Variants in RFX7 observed in about 807,000 individuals in gnomAD.
RFX7 encodes regulatory factor X7, also known as DNA-binding protein RFX7.
Under a neutral mutation model 111.8 loss-of-function variants are expected in RFX7, and 26 were observed. The observed-to-expected ratio is 0.23, with a 90% CI of 0.17 to 0.32. The LOEUF is 0.32. Ranked by LOEUF, RFX7 falls within the 10% of genes least tolerant of loss-of-function variation. RFX7 has a pLI of 1.00. For missense variants in RFX7, 1,573 were observed against 1,772.9 expected (o/e 0.89, Z 2.02); for synonymous variants, 624 against 624.4 (o/e 1.00, Z 0.01).
intron 2 of RFX7, among the ~76,000 whole-genome samples, chr15:56,187,234 G>C (rs2043050474): frequency 6.7e-6 from 1 of 148,784 alleles, no homozygotes; most frequent in Non-Finnish European, 1.5e-5. Flanking sequence ...TTTTTTAGAT[G>C]GAGTCTTGCT....
intron 2 of RFX7, among the ~76,000 whole-genome samples, chr15:56,238,872 T>C (rs529998758): frequency 2.0e-5 from 3 of 152,304 alleles, no homozygotes; most frequent in African/African-American, 7.2e-5. Flanking sequence ...TCCTGCTCTG[T>C]CGCCCAGCTG....
intron 5 of RFX7, among the ~76,000 whole-genome samples, chr15:56,132,294 A>C (rs994887116): frequency 8.5e-5 from 13 of 152,064 alleles, no homozygotes; most frequent in African/African-American, 2.9e-4. Context: ...AAGAGGTATA[A>C]GGAGGAAAGA....
chr15:56,157,559 G>C (rs1213494188), intron 3 of RFX7, among the ~76,000 whole-genome samples: 1 of 152,122 alleles, frequency 6.6e-6, no homozygotes, highest in Non-Finnish European at 1.5e-5. Context: ...CTCTGAGTTG[G>C]TATTCAATTT....
chr15:56,104,802 G>GA (rs1162184476), intron 5 of RFX7, among the ~76,000 whole-genome samples: 1 of 8,488 alleles, frequency 1.2e-4, no homozygotes, highest in African/African-American at 1.3e-4. Context: ...TACCCCTGGG[G>GA]TTAAAAGATG....
chr15:56,214,192 T>C (rs1195682814), intron 2 of RFX7, among the ~76,000 whole-genome samples: 2 of 152,232 alleles, frequency 1.3e-5, no homozygotes, highest in African/African-American at 4.8e-5. Context: ...GTTCCTAACT[T>C]TGTCCTTCTT....
chr15:56,097,429 A>G (rs1464615485), intron 9 of RFX7, among the ~76,000 whole-genome samples: 1 of 152,086 alleles, frequency 6.6e-6, no homozygotes, highest in Non-Finnish European at 1.5e-5. Flanking sequence ...TAAAAAAGAA[A>G]AGCGTTTAAA....
chr15:56,244,109 G>T (rs1184721298), upstream of RFX7: 1 of 151,982 alleles, frequency 6.6e-6, no homozygotes, highest in African/African-American at 2.4e-5. Flanking sequence ...GAGAACTTGC[G>T]TGAGGAGGAG....
At chr15:56,234,683 T>A (rs2043603447) in intron 2 of RFX7, among the ~76,000 whole-genome samples, 1 of 152,200 alleles carries the variant, frequency 6.6e-6, no homozygotes, top group South Asian at 2.1e-4. Flanking sequence ...ATTAAATTTT[T>A]AAATTTCATG....
intron 3 of RFX7, among the ~76,000 whole-genome samples, chr15:56,154,345 C>G (rs1256949970): frequency 2.6e-5 from 4 of 152,162 alleles, no homozygotes; most frequent in African/African-American, 2.4e-5. Flanking sequence ...GCAGGAAAAA[C>G]AAAGCTGGAG....
intron 5 of RFX7, among the ~76,000 whole-genome samples, chr15:56,108,462 T>C (rs192649772): frequency 7.8e-4 from 118 of 151,992 alleles, no homozygotes; most frequent in Middle Eastern, 3.4e-3. Context: ...CATGATTCTC[T>C]CAATAAATGC....
chr15:56,183,830 T>G (rs2043003353), intron 2 of RFX7, among the ~76,000 whole-genome samples: 1 of 70,754 alleles, frequency 1.4e-5, no homozygotes, highest in Admixed American at 1.6e-4. Flanking sequence ...ATAATTTGCA[T>G]TTTTTTAATC....
At chr15:56,134,147 A>G (rs980685381) in intron 5 of RFX7, among the ~76,000 whole-genome samples, 1 of 152,124 alleles carries the variant, frequency 6.6e-6, no homozygotes, top group Non-Finnish European at 1.5e-5. Context: ...CACTCATGAA[A>G]TCTGAGTTCT....
At chr15:56,212,739 G>A (rs1438858778) in intron 2 of RFX7, among the ~76,000 whole-genome samples, 9 of 151,938 alleles carry the variant, frequency 5.9e-5, no homozygotes, top group Admixed American at 5.2e-4. Flanking sequence ...CATTTCATAC[G>A]TATATCCAAC....
At chr15:56,227,950 C>T (rs1472806857) in intron 2 of RFX7, among the ~76,000 whole-genome samples, 1 of 152,146 alleles carries the variant, frequency 6.6e-6, no homozygotes, top group East Asian at 1.9e-4. Flanking sequence ...TTCTCTTTCA[C>T]TTTTGAAGAA....
chr15:56,201,865 C>T (rs1359499208), intron 2 of RFX7, among the ~76,000 whole-genome samples: 1 of 152,028 alleles, frequency 6.6e-6, no homozygotes, highest in Admixed American at 6.5e-5. Context: ...CCCGTCTCTA[C>T]TAAAAATACA....
chr15:56,101,702 G>A (rs1182709521), intron 7 of RFX7, 136 bp from the exon 8 acceptor site: 15 of 785,662 alleles, frequency 1.9e-5, no homozygotes, highest in African/African-American at 1.0e-4. Flanking sequence ...TGACCCACTG[G>A]CAGACATATA....
At chr15:56,205,170 G>C (rs2043237333) in intron 2 of RFX7, among the ~76,000 whole-genome samples, 1 of 152,166 alleles carries the variant, frequency 6.6e-6, no homozygotes. Context: ...CATCACCAAA[G>C]GAGAGAGAAC....
intron 5 of RFX7, among the ~76,000 whole-genome samples, chr15:56,138,365 T>A (rs1447319565): frequency 2.6e-5 from 4 of 151,134 alleles, no homozygotes; most frequent in Admixed American, 6.6e-5. Context: ...TTTACCATTA[T>A]GAAATGGCCT....
In RFX7 at chr15:56,104,715, G is replaced by C. The variant is rs77036547; in HGVS notation, c.402-1045C>G. Among the ~76,000 whole-genome samples, 792 of 152,234 alleles carry C rather than the reference G, an allele frequency of 5.2e-3. 2 individuals are homozygous for C. The highest frequency in any genetic ancestry group is 8.5e-3 in the Non-Finnish European group (579 of 68,016). On this transcript the variant is annotated intron_variant, in intron 5 of 9. Coordinates refer to ENST00000559447, the MANE Select transcript of RFX7 (RefSeq NM_022841.7). Reference sequence around the variant, plus strand: ...AGAGACCCCTGGGAGCCTTAATACAGAAAGAATAAGGGTAGCTCTGGAGAC... The same window carrying C: ...AGAGACCCCTGGGAGCCTTAATACACAAAGAATAAGGGTAGCTCTGGAGAC...
Sources: gnomAD v4.1 joint callset for allele counts (sites outside exome capture counted in the v4.1 genomes callset) on GRCh38, gnomAD v4.1.1 for gene constraint, MANE v1.5 for transcripts, NCBI Gene and HGNC (gene_info 2026-07-23, HGNC 2026-07-21) for gene names.